GTPBP6: variants seen among roughly 807,000 people sequenced by gnomAD.
GTPBP6 encodes the protein GTP binding protein 6.
A neutral mutation model predicts 28.9 loss-of-function variants in GTPBP6; 33 were observed. The observed-to-expected ratio is 1.14, with a 90% CI of 0.87 to 1.53. The LOEUF is 1.53. Among genes scored for constraint, GTPBP6 ranks in the 40% most tolerant of loss-of-function variants. The pLI is 0.00. For missense variants in GTPBP6, 507 were observed against 408.3 expected (o/e 1.24, Z -2.08); for synonymous variants, 231 against 192.7 (o/e 1.20, Z -1.65).
chrX:304,939 G>A, exon 10 of GTPBP6: 1 of 1,467,974 alleles, frequency 6.8e-7, no homozygotes, highest in South Asian at 1.4e-5. Context: ...GCAAATGGCT[G>A]GGAGCGAGAC....
intron 2 of GTPBP6, 102 bp from the exon 3 acceptor site, chrX:315,401 C>A (rs9646381): frequency 5.0e-6 from 2 of 398,152 alleles, no homozygotes; most frequent in African/African-American, 4.1e-5. Context: ...GGAGAGCTCA[C>A]TTCACAGGCA....
At chrX:314,247 CT>C in intron 4 of GTPBP6, 30 bp from the exon 5 acceptor site, 1 of 1,572,726 alleles carries the variant, frequency 6.4e-7, no homozygotes. Flanking sequence ...GGCTCGGTCT[CT>C]GCGGACGCTG....
intron 5 of GTPBP6, among the ~76,000 whole-genome samples, chrX:313,585 T>C (rs1260097973): frequency 1.3e-5 from 2 of 152,186 alleles, no homozygotes; most frequent in African/African-American, 2.4e-5. Context: ...ATAAGGTGTT[T>C]GTCATAACTG....
chrX:314,751 C>T (rs1343457164), intron 4 of GTPBP6, 139 bp downstream of exon 4: 6 of 393,290 alleles, frequency 1.5e-5, no homozygotes, highest in African/African-American at 6.2e-5. Context: ...GCTGGGATGA[C>T]AGGCGTGAGC....
chrX:312,694 G>T, intron 6 of GTPBP6, 72 bp downstream of exon 6: 1 of 1,464,608 alleles, frequency 6.8e-7, no homozygotes, highest in Non-Finnish European at 9.4e-7. Context: ...GGGACCCCCT[G>T]CCCTCCCCCG....
At chrX:312,924 C>T (rs2070343579) in exon 6 of GTPBP6, 2 of 1,609,666 alleles carry the variant, frequency 1.2e-6, no homozygotes, top group Non-Finnish European at 1.7e-6. Context: ...GAAGGATTCT[C>T]CTAAAAGACA....
chrX:305,135 T>G, exon 10 of GTPBP6: 1 of 1,613,586 alleles, frequency 6.2e-7, no homozygotes, highest in Non-Finnish European at 8.5e-7. Flanking sequence ...GACCCTCACG[T>G]CGGCCGCCCC....
chrX:315,614 C>CACACACAG (rs2070418225), intron 2 of GTPBP6, among the ~76,000 whole-genome samples: 1 of 134,426 alleles, frequency 7.4e-6, no homozygotes, highest in Non-Finnish European at 1.6e-5. Flanking sequence ...GGGACAGACA[C>CACACACAG]AGACACACAG....
chrX:318,027 A>G (rs1173622562), intron 1 of GTPBP6, among the ~76,000 whole-genome samples: 1 of 122,106 alleles, frequency 8.2e-6, no homozygotes, highest in Non-Finnish European at 1.7e-5. Flanking sequence ...TCCAACCATC[A>G]GACCCTCTCC....
chrX:306,269 G>T (rs1202207510), intron 9 of GTPBP6, among the ~76,000 whole-genome samples: 1 of 148,498 alleles, frequency 6.7e-6, no homozygotes, highest in Non-Finnish European at 1.5e-5. Context: ...CATTTTGACT[G>T]TCAGCACAGA....
rs779201050 is a variant in GTPBP6 at position 312,631 on chromosome X, C to T, written c.916+135G>A. 66 of 922,316 alleles carry T rather than the reference C, an allele frequency of 7.2e-5. No individual in the cohort carries two copies. In the South Asian group the frequency reaches 8.8e-4, roughly 12 times the overall value. 57.1% of individuals were successfully genotyped at this position (922,316 alleles called of 1,614,324 possible). A position where few individuals can be genotyped will look rare whatever the true frequency, so the allele number is the denominator to read the frequency against. ...CCCACACGGCGACCATGGGAACCCC[C>T]TCTCCTGGGCACGTGCTCACCGCAG... is the stretch of plus-strand genomic sequence containing the variant. On this transcript the variant is annotated intron_variant, in intron 6 of 9. Coordinates refer to ENST00000326153, the Ensembl canonical transcript of GTPBP6.
chrX:314,887 T>C lies in GTPBP6; in HGVS notation c.689+3A>G. ...TCGGCGCGGCCCAGGGGCCCCACGA[T>C]ACCTGTGCAGCGGCATCTCCGCCAG... On this transcript the variant is annotated splice_donor_region_variant and intron_variant, in intron 4 of 9. Coordinates refer to ENST00000326153, the Ensembl canonical transcript of GTPBP6. 1 of 398,994 alleles carries C rather than the reference T, an allele frequency of 2.5e-6. No homozygotes were observed. The highest frequency in any genetic ancestry group is 4.4e-6 in the Non-Finnish European group (1 of 226,348). 24.7% of individuals were successfully genotyped at this position (398,994 alleles called of 1,614,324 possible). A position where few individuals can be genotyped will look rare whatever the true frequency, so the allele number is the denominator to read the frequency against.
exon 6 of GTPBP6, chrX:312,810 C>G (rs775969895): frequency 4.3e-6 from 7 of 1,612,556 alleles, no homozygotes; most frequent in African/African-American, 1.3e-5. Context: ...GAACTCCCGC[C>G]TCGTCCGCTG....
At chrX:317,035 C>A (rs1267212327) in exon 2 of GTPBP6, 7 of 398,470 alleles carry the variant, frequency 1.8e-5, no homozygotes, top group African/African-American at 6.2e-5. Context: ...CTGTGGCCTC[C>A]GCCACCTGCC....
chrX:311,223 T>G (rs1426330252), intron 7 of GTPBP6, among the ~76,000 whole-genome samples, 196 bp downstream of exon 7: 3,075 of 81,308 alleles, frequency 0.038, 278 homozygotes, highest in African/African-American at 0.13. Context: ...TGGCTTTGTG[T>G]GTGTCTGAGT....
chrX:307,748 C>G, exon 8 of GTPBP6: 1 of 1,502,276 alleles, frequency 6.7e-7, no homozygotes, highest in Non-Finnish European at 8.9e-7. Context: ...ACGAGGTCCA[C>G]CTTGTTGTGA....
At position 314,872 on chromosome X, in the gene GTPBP6, C is replaced by T; in HGVS notation, c.689+18G>A. On this transcript the variant is annotated intron_variant, in intron 4 of 9. Transcript: ENST00000326153. ...GAGTGGACGTGACGCTCGGCGCGGC[C>T]CAGGGGCCCCACGATACCTGTGCAG... The T allele has an allele frequency of 5.0e-6, 2 of 399,364 alleles. No homozygotes were observed. The highest frequency in any genetic ancestry group is 8.8e-6 in the Non-Finnish European group (2 of 226,586). The allele number at this position is 399,364 out of a possible 1,614,324, so 24.7% of individuals were successfully genotyped here.
At chrX:309,658 C>A (rs1035356964) in intron 7 of GTPBP6, among the ~76,000 whole-genome samples, 20 of 151,844 alleles carry the variant, frequency 1.3e-4, no homozygotes, top group African/African-American at 4.8e-4. Flanking sequence ...TGGAGTGGTG[C>A]GGCCACAAGC....
At position 314,885 on chromosome X, in the gene GTPBP6, G is replaced by A. The variant is rs1185511148; in HGVS notation, c.689+5C>T. On this transcript the variant is annotated splice_donor_5th_base_variant and intron_variant, in intron 4 of 9. Coordinates refer to ENST00000326153, the Ensembl canonical transcript of GTPBP6. ...GCTCGGCGCGGCCCAGGGGCCCCAC[G>A]ATACCTGTGCAGCGGCATCTCCGCC... 3.0e-5 allele frequency: 12 copies of A among 398,998 alleles called. No individual in the cohort carries two copies. Among genetic ancestry groups the A allele is most frequent in the Non-Finnish European group, 4.9e-5 (11 of 226,412 alleles). The allele number at this position is 398,998 out of a possible 1,614,324, so 24.7% of individuals were successfully genotyped here. A position where few individuals can be genotyped will look rare whatever the true frequency, so the allele number is the denominator to read the frequency against.
Sources: gnomAD v4.1 joint callset for allele counts (sites outside exome capture counted in the v4.1 genomes callset) on GRCh38, gnomAD v4.1.1 for gene constraint, MANE v1.5 for transcripts, NCBI Gene and HGNC (gene_info 2026-07-23, HGNC 2026-07-21) for gene names.